The following COL6A3 variants were observed in gnomAD, a reference collection of about 807,000 sequenced individuals.
COL6A3 encodes collagen type VI alpha 3 chain, also known as collagen alpha-3(VI) chain.
Under a neutral mutation model 274.1 loss-of-function variants are expected in COL6A3, and 137 were observed. The ratio of observed to expected loss-of-function variants is 0.50; its 90% CI spans 0.44 to 0.58. The LOEUF (loss-of-function observed/expected upper bound fraction) is 0.58. Ranked by LOEUF, COL6A3 falls within the 20% of genes least tolerant of loss-of-function variation. COL6A3 has a pLI of 0.00. For missense variants in COL6A3, 3,950 were observed against 4,124.9 expected, an observed-to-expected ratio of 0.96 and a Z score of 1.16; for synonymous variants, 1,650 against 1,650.6, an observed-to-expected ratio of 1.00 and a Z score of 0.01.
In COL6A3 at chr2:237,364,304, C is replaced by T; in HGVS notation, c.5917+46G>A. 7.0e-7 allele frequency: 1 copy of T among 1,438,820 alleles called. No homozygotes were observed. Among genetic ancestry groups the T allele is most frequent in the Non-Finnish European group, 9.8e-7 (1 of 1,022,082 alleles). 89.1% of individuals were successfully genotyped at this position (1,438,820 alleles called of 1,614,324 possible). ...CTCTCCAGCAGAGCAGTACACCCCG[C>T]CTCACCAGGGTTTACTTCTCATATT... On this transcript the variant is annotated intron_variant, in intron 13 of 43. Transcript: ENST00000295550. This position sits in a 1 kb window ranked among gnomAD's most constrained non-coding sequence, Gnocchi z 4.6.
Position 237,407,585 on chromosome 2 carries a change from G to A in COL6A3, c.-31+6368C>T, listed in dbSNP as rs917388387. Among the ~76,000 whole-genome samples, 2 of 152,224 alleles carry A rather than the reference G, an allele frequency of 1.3e-5. No homozygotes were observed. The highest frequency in any genetic ancestry group is 4.8e-5 in the African/African-American group (2 of 41,462). ...GGCTTAGGCCAAGCTCCTCAGAGGT[G>A]GGTCTCCTTCCCATTACAAAGGCAA... On this transcript the variant is annotated intron_variant, in intron 1 of 43. Coordinates refer to ENST00000295550, the MANE Select transcript of COL6A3 (RefSeq NM_004369.4). This position sits in a 1 kb window ranked among gnomAD's most constrained non-coding sequence, Gnocchi z 4.3.
chr2:237,393,623 G>T (rs1559277788), intron 3 of COL6A3, among the ~76,000 whole-genome samples: 1 of 152,144 alleles, frequency 6.6e-6, no homozygotes. Flanking sequence ...TCAAATGGCT[G>T]CATGGACTCA....
intron 37 of COL6A3, 115 bp downstream of exon 37, chr2:237,341,950 G>A: frequency 1.1e-6 from 1 of 880,004 alleles, no homozygotes; most frequent in East Asian, 2.6e-5. Context: ...GAGGCTTTGT[G>A]AATCAATTGA....
At chr2:237,346,086 A>G (rs2077091698) in intron 32 of COL6A3, among the ~76,000 whole-genome samples, 1 of 152,214 alleles carries the variant, frequency 6.6e-6, no homozygotes, top group Non-Finnish European at 1.5e-5. Context: ...GGATTTAACC[A>G]CAAATCAGGA....
intron 1 of COL6A3, among the ~76,000 whole-genome samples, chr2:237,403,539 G>T (rs1171899293): frequency 6.6e-6 from 1 of 152,172 alleles, no homozygotes; most frequent in African/African-American, 2.4e-5. Context: ...CAGGAGGCCA[G>T]TTATCAACAG....
chr2:237,388,021 T>C lies in COL6A3; in HGVS notation c.873A>G (p.Arg291=). The change falls in exon 4 of 44, where the codon AGA becomes AGG. Residue 291 remains arginine (R), a synonymous_variant. Coordinates refer to ENST00000295550, the MANE Select transcript of COL6A3 (RefSeq NM_004369.4). ...AGTAGGTGTCCAAGGAGAACATGGTTCTGGGCTCATCGCTAAACTGGACCA... is the reference window on the plus strand; with the variant it reads ...AGTAGGTGTCCAAGGAGAACATGGTCCTGGGCTCATCGCTAAACTGGACCA... The part of the protein sequence containing the change: ...VGVVQFSDEP[R]TMFSLDTYST... The C allele has an allele frequency of 6.2e-7, 1 of 1,614,192 alleles. No homozygotes were observed. The highest frequency in any genetic ancestry group is 8.5e-7 in the Non-Finnish European group (1 of 1,180,042).
rs2077537959 is a variant in COL6A3 at position 237,365,831 on chromosome 2, T to C, written c.5705A>G (p.Asp1902Gly). 1 of 1,614,060 alleles carries C rather than the reference T, an allele frequency of 6.2e-7. No individual in the cohort carries two copies. Among genetic ancestry groups the C allele is most frequent in the Non-Finnish European group, 8.5e-7 (1 of 1,180,002 alleles). The change falls in exon 12 of 44, where the codon GAC becomes GGC. Residue 1902 changes from aspartate (D) to glycine (G), a missense_variant. Coordinates refer to ENST00000295550, the MANE Select transcript of COL6A3 (RefSeq NM_004369.4). ...CATCTCTGGCTGGTACTCGTCAAAG[T>C]CAAAGGCCTCCACCGGGCCCGAGGG... ...NTPSGPVEAF[D>G]FDEYQPEMLE...
At chr2:237,401,370 A>G (rs2078585005) in intron 1 of COL6A3, among the ~76,000 whole-genome samples, 1 of 151,268 alleles carries the variant, frequency 6.6e-6, no homozygotes, top group African/African-American at 2.4e-5. Context: ...ATGAATAAAG[A>G]AATTAATTCA....
rs778845754 is a variant in COL6A3, at chr2:237,348,623, C to G, written c.6920G>C (p.Arg2307Thr). ...GRDGVGSEGR[R>T]GKKGERGFPG... ...TCAGCAGATACGTACTTTTTTGCCT[C>G]TGCGTCCTTCACTGCCAACTCCGTC... The change falls in exon 29 of 44, where the codon AGA (arginine) becomes ACA (threonine). Residue 2307 changes from arginine (R) to threonine (T), a missense_variant. Coordinates refer to ENST00000295550, the MANE Select transcript of COL6A3 (RefSeq NM_004369.4). 1.8e-5 allele frequency: 29 copies of G among 1,614,064 alleles called. No individual in the cohort carries two copies. Among genetic ancestry groups the G allele is most frequent in the Admixed American group, 6.7e-5 (4 of 60,010 alleles).
Position 237,394,893 on chromosome 2 carries a change from C to T in COL6A3, c.403G>A (p.Gly135Arg), listed in dbSNP as rs777304407. Residue 135 changes from glycine to arginine, a missense_variant, in exon 3 of 44, where the codon GGA becomes AGA. Gly to Arg is a moderately radical substitution (Grantham distance 125, BLOSUM62 -2). Coordinates refer to ENST00000295550, the MANE Select transcript of COL6A3 (RefSeq NM_004369.4). ...IMQSHLTKAA[G>R]SRAGDGVPQV... ...GGGACTCCGTCACCGGCCCGGCTTC[C>T]AGCAGCCTTGGTGAGGTGGCTTTGC... The T allele has an allele frequency of 3.1e-6, 5 of 1,611,770 alleles. No individual in the cohort carries two copies. The highest frequency in any genetic ancestry group is 4.2e-6 in the Non-Finnish European group (5 of 1,178,014).
chr2:237,379,217 T>C lies in COL6A3; in HGVS notation c.1916A>G (p.Asp639Gly). The C allele has an allele frequency of 1.9e-6, 3 of 1,614,114 alleles. No homozygotes were observed. Among genetic ancestry groups the C allele is most frequent in the Non-Finnish European group, 2.5e-6 (3 of 1,180,010 alleles). Reference protein sequence around the residue: ...GTPEVHSNKRDIIFLLDGSAN... With the variant: ...GTPEVHSNKRGIIFLLDGSAN... ...TGATCCATCCAAAAGAAAGATGATA[T>C]CCCTTTTGTTTGAGTGAACTGCAGT... The change falls in exon 6 of 44, where the codon GAT becomes GGT. Residue 639 changes from aspartate to glycine, a missense_variant. Asp to Gly is a moderately conservative substitution (Grantham distance 94). Coordinates refer to ENST00000295550, the MANE Select transcript of COL6A3 (RefSeq NM_004369.4).
At position 237,388,195 on chromosome 2, in the gene COL6A3, A is replaced by C. The variant is rs762036604; in HGVS notation, c.710-11T>G. ...CAGCAGAGTCTTGTGCTTTAAAAGA[A>C]AGAAATGCAAAAAATGTGAAAGCAT... is the stretch of plus-strand genomic sequence containing the variant. On this transcript the variant is annotated splice_polypyrimidine_tract_variant and intron_variant, in intron 3 of 43. Transcript: ENST00000295550. The C allele has an allele frequency of 5.6e-6, 9 of 1,613,844 alleles. No homozygotes were observed. The highest frequency in any genetic ancestry group is 6.8e-6 in the Non-Finnish European group (8 of 1,180,050).
At position 237,366,922 on chromosome 2, in the gene COL6A3, C is replaced by T. The variant is rs140699766; in HGVS notation, c.5265G>A (p.Ser1755=). Residue 1755 remains serine (S), a synonymous_variant, in exon 11 of 44, where the codon TCG becomes TCA. Transcript: ENST00000295550. ...GGCTCACATCCTGTGCATCTTCCAC[C>T]GACTTTCCTCCCGTGATCACAAAGG... ...QIAFVITGGK[S]VEDAQDVSLA... The T allele has an allele frequency of 2.5e-5, 41 of 1,614,224 alleles. 1 individual carries two copies. Among genetic ancestry groups the T allele is most frequent in the South Asian group, 2.4e-4 (22 of 91,080 alleles).
Position 237,344,724 on chromosome 2 carries a change from G to C in COL6A3, c.7294C>G (p.Leu2432Val). ...RDVVLSIVND[L>V]TIAESNCPRG... ...GGGCAGTTGCTCTCAGCAATGGTCA[G>C]GTCATTCACAATACTCAAGACCACA... Residue 2432 changes from leucine to valine, a missense_variant, in exon 36 of 44, where the codon CTG becomes GTG. Leu to Val is a conservative substitution (Grantham distance 32). This residue lies in a region of COL6A3 where 1,284 missense variants were observed against 1,349.7 expected (regional missense o/e 0.95). Transcript: ENST00000295550. This position sits in a 1 kb window ranked among gnomAD's most constrained non-coding sequence, Gnocchi z 4.8. The C allele has an allele frequency of 6.2e-7, 1 of 1,604,772 alleles. No homozygotes were observed. The highest frequency in any genetic ancestry group is 8.5e-7 in the Non-Finnish European group (1 of 1,175,390).
In COL6A3 at chr2:237,395,007, G is replaced by C. The variant is rs144651558; in HGVS notation, c.289C>G (p.Arg97Gly). The C allele has an allele frequency of 1.9e-6, 3 of 1,613,966 alleles. No individual in the cohort carries two copies. Among genetic ancestry groups the C allele is most frequent in the Middle Eastern group, 1.6e-4 (1 of 6,084 alleles). Residue 97 changes from arginine to glycine, a missense_variant, in exon 3 of 44, where the codon CGT becomes GGT. Coordinates refer to ENST00000295550, the MANE Select transcript of COL6A3 (RefSeq NM_004369.4). ...PHTEFLLNTY[R>G]TKQEVLSHIS... ...TGAGAAAGGACTTCTTGTTTAGTAC[G>C]ATACGTATTTAACAGGAACTCGGTA... is the stretch of plus-strand genomic sequence containing the variant.
At chr2:237,357,697 A>G in intron 22 of COL6A3, 120 bp downstream of exon 22, 3 of 1,015,982 alleles carry the variant, frequency 3.0e-6, no homozygotes, top group Admixed American at 1.7e-5. Flanking sequence ...TGCTAATCTT[A>G]GGCTACGTTG....
chr2:237,357,788 G>A, intron 22 of COL6A3, 29 bp downstream of exon 22: 4 of 1,610,476 alleles, frequency 2.5e-6, no homozygotes, highest in Non-Finnish European at 3.4e-6. Context: ...CTCAGTACAG[G>A]GAGAGTCTAG....
intron 4 of COL6A3, among the ~76,000 whole-genome samples, chr2:237,385,767 C>A (rs2106375978): frequency 6.6e-6 from 1 of 152,306 alleles, no homozygotes; most frequent in Middle Eastern, 3.4e-3. Context: ...ATGAGCAGCT[C>A]CAGGCACCGG....
intron 5 of COL6A3, 43 bp downstream of exon 5, chr2:237,380,872 T>C: frequency 1.9e-6 from 3 of 1,585,946 alleles, no homozygotes; most frequent in Non-Finnish European, 2.6e-6. Flanking sequence ...AGGCCCTGCC[T>C]GGAGACCACC....
Sources: allele counts gnomAD v4.1 joint callset (sites outside exome capture counted in the v4.1 genomes callset), GRCh38; gene constraint gnomAD v4.1.1; regional missense constraint gnomAD v4.1.1; non-coding constraint Gnocchi (gnomAD v3.1); transcripts MANE v1.5; gene names NCBI Gene and HGNC (gene_info 2026-07-23, HGNC 2026-07-21).